The following ATF7IP2 variants were observed in gnomAD, a reference collection of about 807,000 sequenced individuals.
The protein encoded by ATF7IP2 is activating transcription factor 7 interacting protein 2.
In ATF7IP2, 42 loss-of-function variants were observed where a neutral mutation model predicts 64.2. That is an observed-to-expected ratio of 0.65 (90% CI 0.51 to 0.85). The LOEUF (loss-of-function observed/expected upper bound fraction) is 0.85, where lower values mean the gene tolerates loss of function less well. ATF7IP2 is among the 40% of genes least tolerant of loss of function. The probability of loss-of-function intolerance (pLI) is 0.00; values close to 1 mark genes in which losing one functional copy is unlikely to be tolerated. For missense variants in ATF7IP2, 933 were observed against 784.2 expected, an observed-to-expected ratio of 1.19 and a Z score of -2.27; for synonymous variants, 308 against 272.8, an observed-to-expected ratio of 1.13 and a Z score of -1.27.
chr16:10,439,409 G>C, intron 7 of ATF7IP2, among the ~76,000 whole-genome samples: 1 of 151,236 alleles, frequency 6.6e-6, no homozygotes, highest in East Asian at 2.0e-4. Context: ...CTAATTTTTT[G>C]TATTTTTAGT....
In ATF7IP2 at chr16:10,423,810, C is replaced by G. The variant is rs572513110; in HGVS notation, c.-160+4187C>G. On this transcript the variant is annotated intron_variant, in intron 3 of 13. Transcript: ENST00000562102. ...AAGGTGGAACGAGCCAGAGCCCATACTTGTCCCATTGTTACCCTGATGCTT... is the reference window on the plus strand; with the variant it reads ...AAGGTGGAACGAGCCAGAGCCCATAGTTGTCCCATTGTTACCCTGATGCTT... 3.3e-5 allele frequency among the ~76,000 whole-genome samples: 5 copies of G among 152,292 alleles called. No individual in the cohort carries two copies. The South Asian group carries it at 6.2e-4, about 19-fold the overall frequency.
At chr16:10,402,672 C>T (rs750624923) in intron 1 of ATF7IP2, among the ~76,000 whole-genome samples, 2 of 152,052 alleles carry the variant, frequency 1.3e-5, no homozygotes, top group Non-Finnish European at 2.9e-5. Context: ...ACCATGTTGC[C>T]AGACTGGTTT....
chr16:10,429,468 G>A (rs138401102), intron 4 of ATF7IP2, among the ~76,000 whole-genome samples: 2 of 152,146 alleles, frequency 1.3e-5, no homozygotes, highest in African/African-American at 2.4e-5. Flanking sequence ...CGCTTGCCTC[G>A]GCCTCCCAGA....
At chr16:10,439,923 G>A (rs2048556309) in intron 7 of ATF7IP2, among the ~76,000 whole-genome samples, 1 of 151,846 alleles carries the variant, frequency 6.6e-6, no homozygotes. Flanking sequence ...CAGCACTTTG[G>A]GAGGCAGAGG....
intron 6 of ATF7IP2, among the ~76,000 whole-genome samples, chr16:10,436,041 A>G (rs2048408565): frequency 6.6e-6 from 1 of 152,176 alleles, no homozygotes; most frequent in Admixed American, 6.5e-5. Context: ...AAACCACACG[A>G]GTAATAGGTA....
intron 8 of ATF7IP2, among the ~76,000 whole-genome samples, chr16:10,452,617 C>T (rs565371592): frequency 6.6e-6 from 1 of 152,220 alleles, no homozygotes. Context: ...TGACATTTAG[C>T]AGAGCTCAAA....
At chr16:10,471,357 G>A (rs573140489) in intron 9 of ATF7IP2, among the ~76,000 whole-genome samples, 1 of 152,198 alleles carries the variant, frequency 6.6e-6, no homozygotes, top group Non-Finnish European at 1.5e-5. Flanking sequence ...GTGAAACCCT[G>A]TCTCTACTAA....
At chr16:10,448,803 T>C (rs2048893870) in intron 8 of ATF7IP2, 1 of 152,210 alleles carries the variant, frequency 6.6e-6, no homozygotes, top group African/African-American at 2.4e-5. Flanking sequence ...CCCATATTTC[T>C]TTCTCTTGCC....
In ATF7IP2 at chr16:10,408,146, G is replaced by A. The variant is rs571337918; in HGVS notation, c.-241-6428G>A. ...AGGATGATCTTGATTTCCTGACCTC[G>A]CGATCCACCTGCCTTGGCCTCCCAA... is the stretch of plus-strand genomic sequence containing the variant. On this transcript the variant is annotated intron_variant, in intron 1 of 13. Transcript: ENST00000562102. Among the ~76,000 whole-genome samples, 20 of 152,126 alleles carry A rather than the reference G, an allele frequency of 1.3e-4. 1 individual carries two copies. The South Asian group carries it at 2.9e-3, about 22-fold the overall frequency.
chr16:10,432,975 C>T (rs553602271), intron 5 of ATF7IP2, among the ~76,000 whole-genome samples: 1 of 152,000 alleles, frequency 6.6e-6, no homozygotes, highest in East Asian at 1.9e-4. Context: ...AGTTTTTGTT[C>T]GTATATGTGT....
chr16:10,415,839 G>A (rs1254068035), intron 2 of ATF7IP2, among the ~76,000 whole-genome samples: 1 of 152,156 alleles, frequency 6.6e-6, no homozygotes. Flanking sequence ...ATGGAAAACA[G>A]GCATGTGAAT....
chr16:10,473,235 T>G (rs1596621545), intron 10 of ATF7IP2, among the ~76,000 whole-genome samples: 2 of 152,098 alleles, frequency 1.3e-5, no homozygotes, highest in East Asian at 3.8e-4. Context: ...TAGGTAGATT[T>G]TCAAAAAAAG....
chr16:10,477,536 A>G (rs1034130111), intron 12 of ATF7IP2, among the ~76,000 whole-genome samples: 15 of 152,218 alleles, frequency 9.9e-5, no homozygotes, highest in Admixed American at 7.2e-4. Context: ...AATGGGCAAA[A>G]ACTGGAAGCA....
At chr16:10,391,411 ACT>A (rs112249744) in intron 1 of ATF7IP2, among the ~76,000 whole-genome samples, 2 of 152,226 alleles carry the variant, frequency 1.3e-5, no homozygotes, top group African/African-American at 4.8e-5. Context: ...CAAGAGTGAA[ACT>A]CTGTGTCAAA....
At chr16:10,464,629 A>G (rs1177663100) in intron 9 of ATF7IP2, among the ~76,000 whole-genome samples, 5 of 152,340 alleles carry the variant, frequency 3.3e-5, no homozygotes, top group African/African-American at 9.6e-5. Flanking sequence ...AAGGCACCCA[A>G]GAGTAGACCA....
intron 9 of ATF7IP2, among the ~76,000 whole-genome samples, chr16:10,459,241 G>C (rs1393861270): frequency 6.6e-6 from 1 of 152,072 alleles, no homozygotes; most frequent in Non-Finnish European, 1.5e-5. Flanking sequence ...GGCCTAGGTG[G>C]GTGGATCACG....
rs75222408 is a variant in ATF7IP2, at chr16:10,467,040, A to G, written c.1353-5070A>G. Among the ~76,000 whole-genome samples, 1,473 of 152,138 alleles carry G rather than the reference A, an allele frequency of 9.7e-3. 51 individuals are homozygous for G. In the East Asian group the frequency reaches 0.12, roughly 13 times the overall value. On this transcript the variant is annotated intron_variant, in intron 9 of 13. Coordinates refer to ENST00000562102, the MANE Select transcript of ATF7IP2 (RefSeq NM_001393719.1). ...TGATATCTTGCCATAAGACAAGGCT[A>G]ATCCTCTGCTTGCCAAATAGAGTAG... is the stretch of plus-strand genomic sequence containing the variant.
In ATF7IP2 at chr16:10,440,422, G is replaced by A; in HGVS notation, c.1154G>A (p.Cys385Tyr). 6.4e-7 allele frequency: 1 copy of A among 1,568,066 alleles called. No homozygotes were observed. The highest frequency in any genetic ancestry group is 8.6e-7 in the Non-Finnish European group (1 of 1,162,442). Residue 385 changes from cysteine to tyrosine, a missense_variant, in exon 8 of 14, where the codon TGT (cysteine) becomes TAT (tyrosine). Transcript: ENST00000562102. Reference sequence around the variant, plus strand: ...ACAGTATTATTATTTCAAAGGAATTGTTTGAAACCAAACATGTTATCCAGT... The same window carrying A: ...ACAGTATTATTATTTCAAAGGAATTATTTGAAACCAAACATGTTATCCAGT... ...IKTVLLFQRN[C>Y]LKPNMLSSNG...
intron 1 of ATF7IP2, among the ~76,000 whole-genome samples, chr16:10,392,712 G>T (rs1395780484): frequency 6.6e-6 from 1 of 152,004 alleles, no homozygotes; most frequent in Non-Finnish European, 1.5e-5. Context: ...TATAGGCCAG[G>T]CACAGGCCCA....
Sources: gnomAD v4.1 joint callset for allele counts (sites outside exome capture counted in the v4.1 genomes callset) on GRCh38, gnomAD v4.1.1 for gene constraint, MANE v1.5 for transcripts, NCBI Gene and HGNC (gene_info 2026-07-23, HGNC 2026-07-21) for gene names.